CBLN2: variants seen among roughly 807,000 people sequenced by gnomAD.
CBLN2 encodes cerebellin 2 precursor.
A neutral mutation model predicts 15.0 loss-of-function variants in CBLN2; 7 were observed. The observed-to-expected ratio is 0.47, with a 90% CI of 0.27 to 0.88. The LOEUF (loss-of-function observed/expected upper bound fraction) is 0.88, where lower values mean the gene tolerates loss of function less well. Ranked by LOEUF, CBLN2 falls within the 40% of genes least tolerant of loss-of-function variation. CBLN2 has a pLI of 0.14. For synonymous variants in CBLN2, 149 were observed against 135.2 expected, an observed-to-expected ratio of 1.10 and a Z score of -0.71; for missense variants, 242 against 304.5, an observed-to-expected ratio of 0.79 and a Z score of 1.53.
chr18:72,564,597 TAGTC>T (rs1379598380), intron 1 of CBLN2, among the ~76,000 whole-genome samples: 6 of 152,314 alleles, frequency 3.9e-5, no homozygotes, highest in African/African-American at 1.2e-4. Context: ...ATTTGCATAT[TAGTC>T]AGAGATACAA....
At chr18:72,613,183 A>G (rs2069634100) in intron 1 of CBLN2, among the ~76,000 whole-genome samples, 1 of 152,194 alleles carries the variant, frequency 6.6e-6, no homozygotes, top group African/African-American at 2.4e-5. Context: ...TACATGTAAA[A>G]CAATCTATTT....
chr18:72,559,169 C>A (rs1160635459), intron 1 of CBLN2, among the ~76,000 whole-genome samples: 2 of 152,242 alleles, frequency 1.3e-5, no homozygotes, highest in Non-Finnish European at 2.9e-5. Flanking sequence ...AGTCAAGCAT[C>A]TTTGATGTGA....
intron 1 of CBLN2, among the ~76,000 whole-genome samples, chr18:72,600,931 G>A (rs535340127): frequency 1.3e-5 from 2 of 152,186 alleles, no homozygotes; most frequent in Non-Finnish European, 2.9e-5. Flanking sequence ...AGCAGAGTCT[G>A]CAGTCATCAG....
At chr18:72,638,282 T>C (rs1168776284) in intron 1 of CBLN2, 1 of 398,470 alleles carries the variant, frequency 2.5e-6, no homozygotes, top group Admixed American at 4.4e-5. Context: ...TTTGCTAGGA[T>C]AAAATACTCA....
exon 1 of CBLN2, chr18:72,638,354 A>G (rs1415898136): frequency 7.5e-6 from 3 of 398,488 alleles, no homozygotes; most frequent in Non-Finnish European, 1.3e-5. Flanking sequence ...GTACTCACAG[A>G]AAATGAAAAT....
Position 72,543,783 on chromosome 18 carries a change from C to G in CBLN2, c.-212+194G>C, listed in dbSNP as rs1416400900. ...GTGCCTCCAACCCCTGGGCTTCGCG[C>G]CCGCACCGCTGCCTGGGGCCCCTCG... is the stretch of plus-strand genomic sequence containing the variant. On this transcript the variant is annotated intron_variant, in intron 1 of 4. Coordinates refer to ENST00000269503, the MANE Select transcript of CBLN2 (RefSeq NM_182511.4). This position sits in a 1 kb window ranked among gnomAD's most constrained non-coding sequence, Gnocchi z 6.8. 6.6e-6 allele frequency among the ~76,000 whole-genome samples: 1 copy of G among 151,910 alleles called. No homozygotes were observed. Among genetic ancestry groups the G allele is most frequent in the Non-Finnish European group, 1.5e-5 (1 of 67,968 alleles).
chr18:72,596,640 A>T (rs12961067), intron 1 of CBLN2, among the ~76,000 whole-genome samples: 4 of 151,946 alleles, frequency 2.6e-5, no homozygotes, highest in Admixed American at 6.6e-5. Flanking sequence ...TGTTTGTCTG[A>T]GAAGGTCTTT....
chr18:72,597,636 T>C (rs1171756900), intron 1 of CBLN2, among the ~76,000 whole-genome samples: 2 of 152,176 alleles, frequency 1.3e-5, no homozygotes, highest in African/African-American at 4.8e-5. Context: ...GGGAGACAAG[T>C]TCCCCCTGTC....
Position 72,600,696 on chromosome 18 carries a change from A to G in CBLN2, c.15+37629T>C, listed in dbSNP as rs536687896. Among the ~76,000 whole-genome samples, 4 of 152,316 alleles carry G rather than the reference A, an allele frequency of 2.6e-5. No individual in the cohort carries two copies. In the East Asian group the frequency reaches 7.7e-4, roughly 29 times the overall value. ...CTGCAGTAAAGAAAGAGTTAAATTG[A>G]CATGAGGGCAGTCACATAGGAGAAG... On this transcript the variant is annotated intron_variant, in intron 1 of 2. Transcript: ENST00000581073.
intron 3 of CBLN2, among the ~76,000 whole-genome samples, chr18:72,540,513 GAAT>G (rs1258891889): frequency 6.6e-6 from 1 of 152,110 alleles, no homozygotes; most frequent in Non-Finnish European, 1.5e-5. Context: ...ATTGGTAAGT[GAAT>G]AATAATAATA....
At chr18:72,567,842 A>T (rs1239759745) in intron 1 of CBLN2, among the ~76,000 whole-genome samples, 1 of 152,226 alleles carries the variant, frequency 6.6e-6, no homozygotes, top group African/African-American at 2.4e-5. Flanking sequence ...TCTTGTAATA[A>T]GATCTTAGAA....
intron 1 of CBLN2, chr18:72,618,531 T>C (rs1330385763): frequency 8.5e-6 from 6 of 701,970 alleles, no homozygotes; most frequent in Non-Finnish European, 1.6e-5. Context: ...ACCAAAAAGC[T>C]GTCTCAAGAA....
chr18:72,612,424 T>C (rs1354409197), intron 1 of CBLN2, among the ~76,000 whole-genome samples: 2 of 152,144 alleles, frequency 1.3e-5, no homozygotes, highest in Non-Finnish European at 2.9e-5. Flanking sequence ...TTAAGAAACA[T>C]AAAAGTTTAC....
At chr18:72,571,948 A>G (rs2069335097) in intron 1 of CBLN2, among the ~76,000 whole-genome samples, 1 of 152,178 alleles carries the variant, frequency 6.6e-6, no homozygotes, top group African/African-American at 2.4e-5. Flanking sequence ...AATCTCTCAT[A>G]TTTTATTAGA....
intron 1 of CBLN2, among the ~76,000 whole-genome samples, chr18:72,572,546 C>T (rs17086178): frequency 6.6e-6 from 1 of 152,110 alleles, no homozygotes; most frequent in African/African-American, 2.4e-5. Flanking sequence ...TTGTCCATGG[C>T]AGTAATCAAC....
intron 1 of CBLN2, among the ~76,000 whole-genome samples, chr18:72,594,682 C>G (rs758970860): frequency 1.3e-5 from 2 of 151,882 alleles, no homozygotes; most frequent in African/African-American, 4.8e-5. Flanking sequence ...TGTTGGGATT[C>G]TTTTTACTAT....
rs1598990149 is a variant in CBLN2 at position 72,543,658 on chromosome 18, T to C, written c.-211-128A>G. 1 of 373,716 alleles carries C rather than the reference T, an allele frequency of 2.7e-6. No individual in the cohort carries two copies. The highest frequency in any genetic ancestry group is 3.8e-5 in the East Asian group (1 of 26,378). 23.1% of individuals were successfully genotyped at this position (373,716 alleles called of 1,614,324 possible). A position where few individuals can be genotyped will look rare whatever the true frequency, so the allele number is the denominator to read the frequency against. On this transcript the variant is annotated intron_variant, in intron 1 of 4. Coordinates refer to ENST00000269503, the MANE Select transcript of CBLN2 (RefSeq NM_182511.4). This position sits in a 1 kb window ranked among gnomAD's most constrained non-coding sequence, Gnocchi z 6.8. ...GCTTTCCCGCGCCAGCCTGCGCCGC[T>C]TCAGGGGTGCACCACGCCCCGCGCG...
intron 1 of CBLN2, among the ~76,000 whole-genome samples, chr18:72,596,100 C>T (rs2069512018): frequency 6.6e-6 from 1 of 151,970 alleles, no homozygotes; most frequent in African/African-American, 2.4e-5. Flanking sequence ...TTGTGGTCTT[C>T]TCTTCCTTCT....
chr18:72,540,594 C>T (rs994886213), intron 3 of CBLN2, among the ~76,000 whole-genome samples: 1 of 152,250 alleles, frequency 6.6e-6, no homozygotes, highest in Admixed American at 6.5e-5. Context: ...TATTCCATTG[C>T]TGTCTCATTT....
Sources: gnomAD v4.1 joint callset for allele counts (sites outside exome capture counted in the v4.1 genomes callset) on GRCh38, gnomAD v4.1.1 for gene constraint, Gnocchi (gnomAD v3.1) non-coding constraint, MANE v1.5 for transcripts, NCBI Gene and HGNC (gene_info 2026-07-23, HGNC 2026-07-21) for gene names.